ARHGEF10: variants seen among roughly 807,000 people sequenced by gnomAD.
The protein encoded by ARHGEF10 is Rho guanine nucleotide exchange factor (GEF) 10.
Under a neutral mutation model 147.4 loss-of-function variants are expected in ARHGEF10, and 140 were observed. That is an observed-to-expected ratio of 0.95 (90% CI 0.83 to 1.09). The LOEUF is 1.09. Ranked by LOEUF, ARHGEF10 falls within the 50% of genes least tolerant of loss-of-function variation. ARHGEF10 has a pLI of 0.00. For synonymous variants in ARHGEF10, 902 were observed against 695.8 expected (o/e 1.30, Z -4.67); for missense variants, 2,222 against 1,752.7 (o/e 1.27, Z -4.78).
chr8:1,946,340 C>T (rs1007583650), intron 27 of ARHGEF10, among the ~76,000 whole-genome samples: 2 of 152,200 alleles, frequency 1.3e-5, no homozygotes, highest in African/African-American at 2.4e-5. Flanking sequence ...GCTCTGCCTC[C>T]GAGCCCTTCG....
intron 15 of ARHGEF10, among the ~76,000 whole-genome samples, chr8:1,902,518 T>G (rs186574765): frequency 4.0e-4 from 61 of 152,224 alleles, no homozygotes; most frequent in African/African-American, 1.5e-3. Context: ...TAAAGACTAC[T>G]TTTTAAGAGA....
chr8:1,876,729 A>G lies in ARHGEF10; in HGVS notation c.838A>G (p.Lys280Glu), dbSNP rs1328094657. 1 of 1,614,146 alleles carries G rather than the reference A, an allele frequency of 6.2e-7. No individual in the cohort carries two copies. The highest frequency in any genetic ancestry group is 1.1e-5 in the South Asian group (1 of 91,076). ...PRSFLRSNHK[K>E]QLSHDLTRLK... ...GTCCTTCCTGCGCAGCAACCACAAAAAGCAAGTACGTGTTCCCTGCACATG... is the reference window on the plus strand; with the variant it reads ...GTCCTTCCTGCGCAGCAACCACAAAGAGCAAGTACGTGTTCCCTGCACATG... The change falls in exon 8 of 29, where the codon AAG becomes GAG. Residue 280 changes from lysine (K) to glutamate (E), a missense_variant. Lys to Glu is a moderately conservative substitution (Grantham distance 56). Coordinates refer to ENST00000349830, the MANE Select transcript of ARHGEF10 (RefSeq NM_014629.4).
chr8:1,918,619 G>A (rs1415693981), intron 18 of ARHGEF10, among the ~76,000 whole-genome samples: 2 of 152,162 alleles, frequency 1.3e-5, no homozygotes, highest in African/African-American at 4.8e-5. Context: ...AAGCTAAGTA[G>A]CTTATGCCTT....
At chr8:1,914,099 A>T (rs1410857688) in intron 18 of ARHGEF10, among the ~76,000 whole-genome samples, 2 of 152,244 alleles carry the variant, frequency 1.3e-5, no homozygotes, top group African/African-American at 4.8e-5. Context: ...AGCACCAAGG[A>T]GGGAGGAAGG....
intron 2 of ARHGEF10, among the ~76,000 whole-genome samples, chr8:1,854,581 C>G (rs1290481480): frequency 6.6e-6 from 1 of 152,156 alleles, no homozygotes; most frequent in Admixed American, 6.5e-5. Context: ...CAGCAGAGAG[C>G]TCTTGAATTC....
At chr8:1,926,654 G>C in intron 23 of ARHGEF10, 191 bp downstream of exon 23, 1 of 657,008 alleles carries the variant, frequency 1.5e-6, no homozygotes, top group Non-Finnish European at 2.7e-6. Context: ...CAGTTCTTAG[G>C]AATGCAAATA....
In ARHGEF10 at chr8:1,860,064, G is replaced by A. The variant is rs772775622; in HGVS notation, c.361G>A (p.Val121Met). Residue 121 changes from valine to methionine, a missense_variant, in exon 4 of 29, where the codon GTG becomes ATG. Val to Met is a conservative substitution (Grantham distance 21, BLOSUM62 1). Coordinates refer to ENST00000349830, the MANE Select transcript of ARHGEF10 (RefSeq NM_014629.4). ...SAEEENVGLH[V>M]PCGYLVPVPC... is the part of the protein sequence containing the mutation. ...TGAGGAGGAGAATGTGGGTCTCCATGTGCCCTGCGGGTACTTGGTGCCTGT... is the reference window on the plus strand; with the variant it reads ...TGAGGAGGAGAATGTGGGTCTCCATATGCCCTGCGGGTACTTGGTGCCTGT... 16 of 1,614,012 alleles carry A rather than the reference G, an allele frequency of 9.9e-6. No individual in the cohort carries two copies. Among genetic ancestry groups the A allele is most frequent in the Admixed American group, 6.7e-5 (4 of 59,998 alleles).
intron 1 of ARHGEF10, among the ~76,000 whole-genome samples, chr8:1,832,261 A>C (rs1289595159): frequency 6.6e-6 from 1 of 152,218 alleles, no homozygotes; most frequent in Non-Finnish European, 1.5e-5. Flanking sequence ...CGTTGTGTCC[A>C]AGGCTGTGTC....
intron 10 of ARHGEF10, among the ~76,000 whole-genome samples, chr8:1,884,981 T>C (rs1808533134): frequency 6.6e-6 from 1 of 152,170 alleles, no homozygotes; most frequent in Non-Finnish European, 1.5e-5. Flanking sequence ...CCCAGGCTGG[T>C]CTTGAGCTCC....
In ARHGEF10 at chr8:1,908,227, A is replaced by ATTTTTTTTTT. The variant is rs11288174; in HGVS notation, c.1968-1056_1968-1047dup. On this transcript the variant is annotated intron_variant, in intron 17 of 28. Transcript: ENST00000349830. The stretch of plus-strand genomic sequence containing the variant: ...TTTGGTTATTTCTACCCACACTTTG[A>ATTTTTTTTTT]TTTTTTTTTTTTTTTTTTTTTGAGA... Among the ~76,000 whole-genome samples, 330 of 110,000 alleles carry ATTTTTTTTTT rather than the reference A, an allele frequency of 3.0e-3. 11 individuals are homozygous for ATTTTTTTTTT. Among genetic ancestry groups the ATTTTTTTTTT allele is most frequent in the African/African-American group, 6.3e-3 (169 of 26,630 alleles). The allele number at this position is 110,000 out of a possible 152,430, so 72.2% of individuals were successfully genotyped here.
intron 1 of ARHGEF10, among the ~76,000 whole-genome samples, chr8:1,835,102 G>A (rs1261899870): frequency 1.3e-5 from 2 of 152,230 alleles, no homozygotes; most frequent in Non-Finnish European, 1.5e-5. Context: ...GACATCCCAC[G>A]CTCCTGCATT....
chr8:1,899,578 TACTAAAATATCG>T (rs1170194348), intron 15 of ARHGEF10, among the ~76,000 whole-genome samples: 1 of 152,216 alleles, frequency 6.6e-6, no homozygotes, highest in Non-Finnish European at 1.5e-5. Context: ...AAAGGATACA[TACTAAAATATCG>T]ACATGGGCTC....
At chr8:1,922,010 A>T (rs1385014521) in intron 18 of ARHGEF10, among the ~76,000 whole-genome samples, 1 of 152,174 alleles carries the variant, frequency 6.6e-6, no homozygotes, top group African/African-American at 2.4e-5. Context: ...ATATTGCTTA[A>T]AGTACAGACA....
chr8:1,902,203 T>C (rs760085055), intron 15 of ARHGEF10, among the ~76,000 whole-genome samples: 7 of 151,464 alleles, frequency 4.6e-5, no homozygotes, highest in Non-Finnish European at 1.0e-4. Context: ...CCTGTGTCCA[T>C]GTGATCTCAT....
intron 28 of ARHGEF10, among the ~76,000 whole-genome samples, chr8:1,953,163 G>A (rs1459268664): frequency 6.8e-6 from 1 of 146,890 alleles, no homozygotes; most frequent in African/African-American, 2.7e-5. Context: ...TTGTGAAGAA[G>A]GAAGCCGGGA....
At chr8:1,884,496 G>T (rs1199552877) in intron 10 of ARHGEF10, among the ~76,000 whole-genome samples, 2 of 152,114 alleles carry the variant, frequency 1.3e-5, no homozygotes, top group Non-Finnish European at 2.9e-5. Flanking sequence ...CGTCCTGGTT[G>T]TACCTAAGAA....
chr8:1,903,453 T>G lies in ARHGEF10; in HGVS notation c.1821+2T>G. On this transcript the variant is annotated splice_donor_variant, in intron 16 of 28. Transcript: ENST00000349830. LOFTEE classifies it high-confidence loss of function. ...ATAAACGAAAGATACCTGAACAAGG[T>G]TGAGAGAGGTTTTCTTCAACTCTAT... 1.2e-6 allele frequency: 2 copies of G among 1,613,960 alleles called. No individual in the cohort carries two copies. The highest frequency in any genetic ancestry group is 1.1e-5 in the South Asian group (1 of 91,082).
Position 1,879,670 on chromosome 8 carries a change from A to G in ARHGEF10, c.844-378A>G, listed in dbSNP as rs112370227. ...CAGGCTCAAGCAATTCGCCCACCTCAGCCTCCTAAGTAGCTAGGATCACAG... is the reference window on the plus strand; with the variant it reads ...CAGGCTCAAGCAATTCGCCCACCTCGGCCTCCTAAGTAGCTAGGATCACAG... On this transcript the variant is annotated intron_variant, in intron 8 of 28. Coordinates refer to ENST00000349830, the MANE Select transcript of ARHGEF10 (RefSeq NM_014629.4). Among the ~76,000 whole-genome samples the G allele has an allele frequency of 1.9e-3, 288 of 151,792 alleles. 2 individuals are homozygous for G. Among genetic ancestry groups the G allele is most frequent in the African/African-American group, 6.7e-3 (278 of 41,352 alleles).
At chr8:1,849,976 GGCTGC>G (rs1804932471) in intron 2 of ARHGEF10, among the ~76,000 whole-genome samples, 1 of 75,282 alleles carries the variant, frequency 1.3e-5, no homozygotes, top group African/African-American at 4.0e-5. Context: ...GGCGTGGGCC[GGCTGC>G]ATGGACACAG....
Sources: allele counts gnomAD v4.1 joint callset (sites outside exome capture counted in the v4.1 genomes callset), GRCh38; gene constraint gnomAD v4.1.1; transcripts MANE v1.5; gene names NCBI Gene and HGNC (gene_info 2026-07-23, HGNC 2026-07-21).